The following GLIPR1L2 variants were observed in gnomAD, a reference collection of about 807,000 sequenced individuals.
GLIPR1L2 encodes GLIPR1-like protein 2.
A neutral mutation model predicts 28.4 loss-of-function variants in GLIPR1L2; 21 were observed. The ratio of observed to expected loss-of-function variants is 0.74; its 90% CI spans 0.52 to 1.06. The LOEUF (loss-of-function observed/expected upper bound fraction) is 1.06, where lower values mean the gene tolerates loss of function less well. Ranked by LOEUF, GLIPR1L2 falls within the 50% of genes least tolerant of loss-of-function variation. The pLI, the probability that GLIPR1L2 is intolerant of heterozygous loss-of-function variation, is 0.00. For synonymous variants in GLIPR1L2, 145 were observed against 139.3 expected, an observed-to-expected ratio of 1.04 and a Z score of -0.29; for missense variants, 476 against 416.9, an observed-to-expected ratio of 1.14 and a Z score of -1.23.
intron 4 of GLIPR1L2, among the ~76,000 whole-genome samples, chr12:75,429,939 T>TTTTC (rs1555234754): frequency 1.6e-3 from 42 of 26,504 alleles, no homozygotes; most frequent in Middle Eastern, 0.019. Flanking sequence ...CTTTTCTTTC[T>TTTTC]TTTTTTTTTT....
intron 2 of GLIPR1L2, among the ~76,000 whole-genome samples, chr12:75,412,553 T>C (rs1227262238): frequency 6.6e-6 from 1 of 152,102 alleles, no homozygotes; most frequent in Non-Finnish European, 1.5e-5. Context: ...CAGACACTTC[T>C]CAAAAGAAGA....
At chr12:75,412,187 C>T (rs1361384212) in intron 2 of GLIPR1L2, among the ~76,000 whole-genome samples, 2 of 151,904 alleles carry the variant, frequency 1.3e-5, no homozygotes, top group African/African-American at 2.4e-5. Context: ...AACTTTTTCT[C>T]CTCTTTCTCA....
In GLIPR1L2 at chr12:75,422,886, C is replaced by A; in HGVS notation, c.585-18C>A. 6.3e-7 allele frequency: 1 copy of A among 1,578,666 alleles called. No homozygotes were observed. Among genetic ancestry groups the A allele is most frequent in the African/African-American group, 1.4e-5 (1 of 72,634 alleles). On this transcript the variant is annotated intron_variant, in intron 3 of 5. Transcript: ENST00000550916. ...GAAGCTTATTCTAACTAAATGTTTT[C>A]TGCTTTTTTGTTTGTAGAGGAACAC...
At position 75,409,366 on chromosome 12, in the gene GLIPR1L2, T is replaced by A. The variant is rs368708413; in HGVS notation, c.235-1068T>A. On this transcript the variant is annotated intron_variant, in intron 1 of 5. Coordinates refer to ENST00000550916, the MANE Select transcript of GLIPR1L2 (RefSeq NM_001270396.2). ...TTTTCTAGTGTGTGGTTTTTGTTCT[T>A]GTCCTTCACTAACAGTTAATTTAAT... 2.6e-4 allele frequency among the ~76,000 whole-genome samples: 40 copies of A among 151,974 alleles called. 1 individual carries two copies. The East Asian group carries it at 5.2e-3, about 20-fold the overall frequency.
chr12:75,423,105 T>A, intron 4 of GLIPR1L2, 116 bp downstream of exon 4: 1 of 1,572,704 alleles, frequency 6.4e-7, no homozygotes, highest in South Asian at 1.2e-5. Context: ...ATCAGAATGC[T>A]ACTATTATGT....
chr12:75,423,193 A>G (rs1430347471), intron 4 of GLIPR1L2: 14 of 1,416,746 alleles, frequency 9.9e-6, no homozygotes, highest in South Asian at 3.2e-5. Flanking sequence ...TCTTAACCCT[A>G]TTCCTTCCCC....
chr12:75,417,043 C>A (rs1298682877), intron 3 of GLIPR1L2, among the ~76,000 whole-genome samples: 1 of 151,966 alleles, frequency 6.6e-6, no homozygotes, highest in Admixed American at 6.6e-5. Context: ...AATGGTGCCC[C>A]CCCTACCAAC....
chr12:75,395,591 T>C (rs1395657062), intron 1 of GLIPR1L2, among the ~76,000 whole-genome samples: 2 of 151,754 alleles, frequency 1.3e-5, no homozygotes, highest in Non-Finnish European at 2.9e-5. Flanking sequence ...TGGGCTTTTC[T>C]TTGTTGGGAG....
chr12:75,422,538 G>C (rs1368148510), intron 3 of GLIPR1L2, among the ~76,000 whole-genome samples: 1 of 152,148 alleles, frequency 6.6e-6, no homozygotes, highest in Non-Finnish European at 1.5e-5. Flanking sequence ...TCCTGACATT[G>C]TGATCTGCCT....
chr12:75,431,966 C>A lies in GLIPR1L2; in HGVS notation c.*805C>A, dbSNP rs1399688766. 2.6e-5 allele frequency: 4 copies of A among 151,880 alleles called. No homozygotes were observed. The highest frequency in any genetic ancestry group is 5.9e-5 in the Non-Finnish European group (4 of 67,878). The allele number at this position is 151,880 out of a possible 1,614,324, so 9.4% of individuals were successfully genotyped here. A position where few individuals can be genotyped will look rare whatever the true frequency, so the allele number is the denominator to read the frequency against. On this transcript the variant is annotated 3_prime_UTR_variant, in exon 6 of 6. Coordinates refer to ENST00000550916, the MANE Select transcript of GLIPR1L2 (RefSeq NM_001270396.2). ...ACCACTAGTAATACTAATAAATGAA[C>A]TAAATAAAAATACCTAGCATAGGAG...
At chr12:75,427,194 T>A (rs1407795332) in intron 4 of GLIPR1L2, among the ~76,000 whole-genome samples, 1 of 150,510 alleles carries the variant, frequency 6.6e-6, no homozygotes, top group Non-Finnish European at 1.5e-5. Flanking sequence ...ACAATAGAGG[T>A]GTAAGTAAGT....
At chr12:75,397,525 A>G (rs1237805162) in intron 1 of GLIPR1L2, among the ~76,000 whole-genome samples, 3 of 152,188 alleles carry the variant, frequency 2.0e-5, no homozygotes, top group African/African-American at 4.8e-5. Context: ...TAGTGGAAAA[A>G]TAAATATTGC....
chr12:75,419,205 GGAGAAAATAGGA>G (rs1414785483), intron 3 of GLIPR1L2, among the ~76,000 whole-genome samples: 1 of 152,070 alleles, frequency 6.6e-6, no homozygotes, highest in African/African-American at 2.4e-5. Context: ...GAATGGATAG[GGAGAAAATAGGA>G]GAGAAAATAG....
At position 75,432,424 on chromosome 12, in the gene GLIPR1L2, T is replaced by C. The variant is rs2046099910; in HGVS notation, c.*1263T>C. On this transcript the variant is annotated 3_prime_UTR_variant, in exon 6 of 6. Coordinates refer to ENST00000550916, the MANE Select transcript of GLIPR1L2 (RefSeq NM_001270396.2). ...AAAGAAATGACATTGAAAGAATCAC[T>C]GCATATCTGATGTTTTCAAATAAAA... 1 of 152,080 alleles carries C rather than the reference T, an allele frequency of 6.6e-6. No homozygotes were observed. Among genetic ancestry groups the C allele is most frequent in the Non-Finnish European group, 1.5e-5 (1 of 67,984 alleles). 9.4% of individuals were successfully genotyped at this position (152,080 alleles called of 1,614,324 possible).
At chr12:75,416,186 A>T (rs970218882) in intron 3 of GLIPR1L2, among the ~76,000 whole-genome samples, 3 of 152,160 alleles carry the variant, frequency 2.0e-5, no homozygotes, top group African/African-American at 7.2e-5. Flanking sequence ...TAGTCTAAAA[A>T]ACTGGGTGGA....
chr12:75,410,736 G>T, intron 2 of GLIPR1L2, 57 bp downstream of exon 2: 3 of 1,238,340 alleles, frequency 2.4e-6, no homozygotes, highest in Non-Finnish European at 3.3e-6. Flanking sequence ...TTTATGCCTG[G>T]TTTTATTATG....
intron 4 of GLIPR1L2, among the ~76,000 whole-genome samples, chr12:75,428,812 A>G (rs1179826579): frequency 1.3e-5 from 2 of 152,230 alleles, no homozygotes; most frequent in East Asian, 3.9e-4. Flanking sequence ...AGCTCAGGCC[A>G]TTGCTTTAAA....
Position 75,392,358 on chromosome 12 carries a change from T to C in GLIPR1L2, c.234+1008T>C, listed in dbSNP as rs146904744. Among the ~76,000 whole-genome samples, 80 of 152,338 alleles carry C rather than the reference T, an allele frequency of 5.3e-4. No homozygotes were observed. The East Asian group carries it at 7.9e-3, about 15-fold the overall frequency. ...TGGACATGTTCAATTACTTGCTAAA[T>C]GAATAAATTACAAAAATGGTCATTT... is the stretch of plus-strand genomic sequence containing the variant. On this transcript the variant is annotated intron_variant, in intron 1 of 5. Transcript: ENST00000550916.
chr12:75,415,707 G>A (rs549593962), intron 3 of GLIPR1L2, among the ~76,000 whole-genome samples: 1 of 152,144 alleles, frequency 6.6e-6, no homozygotes, highest in East Asian at 1.9e-4. Flanking sequence ...TTTTCTTGCT[G>A]GCTCTGAGCC....
Sources: gnomAD v4.1 joint callset for allele counts (sites outside exome capture counted in the v4.1 genomes callset) on GRCh38, gnomAD v4.1.1 for gene constraint, MANE v1.5 for transcripts, NCBI Gene and HGNC (gene_info 2026-07-23, HGNC 2026-07-21) for gene names.